Variants in RAD51B observed in about 807,000 individuals in gnomAD.
RAD51B encodes the protein DNA repair protein RAD51 homolog 2.
RAD51B carries 38 observed loss-of-function variants against 42.2 expected under a neutral mutation model. The ratio of observed to expected loss-of-function variants is 0.90; its 90% confidence interval spans 0.70 to 1.18. The LOEUF (loss-of-function observed/expected upper bound fraction) is 1.18, where lower values mean the gene tolerates loss of function less well. RAD51B is among the 50% of genes most tolerant of loss of function. RAD51B has a pLI of 0.00. For missense variants in RAD51B, 373 were observed against 400.7 expected, an observed-to-expected ratio of 0.93 and a Z score of 0.59; for synonymous variants, 154 against 145.2, an observed-to-expected ratio of 1.06 and a Z score of -0.43.
chr14:68,275,838 A>ACACC (rs1555385472), intron 7 of RAD51B, among the ~76,000 whole-genome samples: 20 of 143,070 alleles, frequency 1.4e-4, no homozygotes, highest in African/African-American at 5.0e-4. Flanking sequence ...ACACACACAC[A>ACACC]CACCCTTGAA....
At position 68,089,744 on chromosome 14, in the gene RAD51B, G is replaced by T. The variant is rs111505854; in HGVS notation, c.757-202140G>T. 2.1e-3 allele frequency among the ~76,000 whole-genome samples: 317 copies of T among 152,278 alleles called. 2 individuals are homozygous for T. The highest frequency in any genetic ancestry group is 3.8e-3 in the Non-Finnish European group (259 of 68,016). ...CAGTGTCAGGTAAATGTTTATGTGTGTGTGAAAACGCAGACTTTGGCAAAA... is the reference window on the plus strand; with the variant it reads ...CAGTGTCAGGTAAATGTTTATGTGTTTGTGAAAACGCAGACTTTGGCAAAA... On this transcript the variant is annotated intron_variant, in intron 7 of 10. Coordinates refer to ENST00000471583, the MANE Select transcript of RAD51B (RefSeq NM_133510.4).
intron 3 of RAD51B, among the ~76,000 whole-genome samples, chr14:67,831,632 G>A (rs2041049946): frequency 6.6e-6 from 1 of 152,080 alleles, no homozygotes; most frequent in Non-Finnish European, 1.5e-5. Flanking sequence ...CGCCTCCCGG[G>A]TTCAAGTGAT....
At chr14:68,146,069 G>T (rs1216818773) in intron 7 of RAD51B, among the ~76,000 whole-genome samples, 2 of 152,040 alleles carry the variant, frequency 1.3e-5, no homozygotes, top group South Asian at 2.1e-4. Context: ...AAGGAATAAG[G>T]ACTACATTAT....
At chr14:68,553,012 C>T (rs905075784) in intron 10 of RAD51B, among the ~76,000 whole-genome samples, 3 of 152,210 alleles carry the variant, frequency 2.0e-5, no homozygotes, top group African/African-American at 7.2e-5. Context: ...CCCTCATACT[C>T]TCATCATCAG....
rs990799551 is a variant in RAD51B, at chr14:67,960,049, C to T, written c.756+72845C>T. 7.3e-5 allele frequency among the ~76,000 whole-genome samples: 11 copies of T among 150,694 alleles called. No homozygotes were observed. The South Asian group carries it at 8.3e-4, about 11-fold the overall frequency. On this transcript the variant is annotated intron_variant, in intron 7 of 10. Transcript: ENST00000471583. ...GCAATGAGCTGAGATCGCGCCACTG[C>T]GCTACAGCCTGGGCAACAGAGCAAG...
At chr14:67,878,814 C>T (rs918879625) in intron 5 of RAD51B, among the ~76,000 whole-genome samples, 22 of 152,110 alleles carry the variant, frequency 1.4e-4, no homozygotes, top group African/African-American at 5.3e-4. Flanking sequence ...ATTCTCCTTA[C>T]TCAGCCTCCC....
At chr14:67,935,830 G>A (rs1053563376) in intron 7 of RAD51B, among the ~76,000 whole-genome samples, 1 of 152,146 alleles carries the variant, frequency 6.6e-6, no homozygotes, top group Non-Finnish European at 1.5e-5. Flanking sequence ...ATAAAGATGA[G>A]TATGAGAACT....
chr14:68,416,803 G>A (rs1295764044), intron 9 of RAD51B, among the ~76,000 whole-genome samples: 1 of 152,188 alleles, frequency 6.6e-6, no homozygotes, highest in Non-Finnish European at 1.5e-5. Flanking sequence ...CTTTGTGTAA[G>A]CAAGCCAGAA....
intron 7 of RAD51B, among the ~76,000 whole-genome samples, chr14:67,953,063 C>T (rs571634909): frequency 4.6e-5 from 7 of 152,024 alleles, no homozygotes; most frequent in Non-Finnish European, 7.4e-5. Flanking sequence ...GATATTACTT[C>T]TGTCCTCAGA....
chr14:67,854,298 A>G (rs1019030394), intron 4 of RAD51B, among the ~76,000 whole-genome samples: 1 of 152,252 alleles, frequency 6.6e-6, no homozygotes, highest in African/African-American at 2.4e-5. Flanking sequence ...CTGAGAATGC[A>G]TAAGATAGAT....
chr14:68,175,042 T>A (rs2078937947), intron 7 of RAD51B, among the ~76,000 whole-genome samples: 1 of 152,160 alleles, frequency 6.6e-6, no homozygotes, highest in Non-Finnish European at 1.5e-5. Flanking sequence ...TCCTGGGGAA[T>A]CAGCATTTCC....
chr14:68,581,276 G>A (rs547524786), intron 10 of RAD51B, among the ~76,000 whole-genome samples: 14 of 152,260 alleles, frequency 9.2e-5, no homozygotes, highest in South Asian at 2.1e-4. Flanking sequence ...CATGTCTCCC[G>A]GTCAGCCAGC....
intron 9 of RAD51B, among the ~76,000 whole-genome samples, chr14:68,455,998 A>G (rs1016624590): frequency 6.6e-6 from 1 of 152,256 alleles, no homozygotes; most frequent in Non-Finnish European, 1.5e-5. Flanking sequence ...GGTGGTATCA[A>G]TCTGAACTAG....
intron 8 of RAD51B, among the ~76,000 whole-genome samples, chr14:68,388,054 TTGTG>T (rs140319319): frequency 0.037 from 4,457 of 120,268 alleles, 138 homozygotes; most frequent in African/African-American, 0.07. Flanking sequence ...GTGACTTGCA[TTGTG>T]TGTGTGTGTG....
At chr14:67,906,813 T>G (rs2043794961) in intron 7 of RAD51B, among the ~76,000 whole-genome samples, 1 of 151,898 alleles carries the variant, frequency 6.6e-6, no homozygotes. Context: ...CTTCTTTCTT[T>G]CTTTTTTTCT....
At chr14:68,495,059 C>T (rs1004693745) in intron 10 of RAD51B, among the ~76,000 whole-genome samples, 1 of 152,158 alleles carries the variant, frequency 6.6e-6, no homozygotes, top group East Asian at 1.9e-4. Flanking sequence ...CGGCCAGAGT[C>T]GGGATCTTCT....
At chr14:68,435,129 G>C (rs2085114595) in intron 9 of RAD51B, among the ~76,000 whole-genome samples, 1 of 152,046 alleles carries the variant, frequency 6.6e-6, no homozygotes, top group South Asian at 2.1e-4. Context: ...CCATCACCCG[G>C]GTAGTAAGCA....
intron 7 of RAD51B, among the ~76,000 whole-genome samples, chr14:68,057,528 A>G (rs971103079): frequency 1.4e-4 from 22 of 152,240 alleles, no homozygotes; most frequent in African/African-American, 4.8e-4. Flanking sequence ...TATAAACTCA[A>G]TAGTCCTAGA....
chr14:67,898,598 G>A (rs767060750), intron 7 of RAD51B, among the ~76,000 whole-genome samples: 6 of 152,172 alleles, frequency 3.9e-5, no homozygotes, highest in Non-Finnish European at 8.8e-5. Context: ...TAAATAAAGA[G>A]CACAGGTGGA....
Sources: allele counts gnomAD v4.1 joint callset (sites outside exome capture counted in the v4.1 genomes callset), GRCh38; gene constraint gnomAD v4.1.1; transcripts MANE v1.5; gene names NCBI Gene and HGNC (gene_info 2026-07-23, HGNC 2026-07-21).